The following FAM171A1 variants were observed in gnomAD, a reference collection of about 807,000 sequenced individuals.
FAM171A1 encodes protein FAM171A1.
FAM171A1 carries 23 observed loss-of-function variants against 74.9 expected under a neutral mutation model. That is an observed-to-expected ratio of 0.31 (90% CI 0.22 to 0.44). FAM171A1 has a LOEUF of 0.44. Among genes scored for constraint, FAM171A1 ranks in the 20% least tolerant of loss-of-function variants. The probability of loss-of-function intolerance (pLI) is 1.00; values close to 1 mark genes in which losing one functional copy is unlikely to be tolerated. For missense variants in FAM171A1, 1,162 were observed against 1,159.2 expected, an observed-to-expected ratio of 1.00 and a Z score of -0.03; for synonymous variants, 527 against 505.7, an observed-to-expected ratio of 1.04 and a Z score of -0.57.
intron 1 of FAM171A1, among the ~76,000 whole-genome samples, chr10:15,351,815 G>T (rs1249164356): frequency 1.3e-5 from 2 of 151,942 alleles, no homozygotes; most frequent in African/African-American, 4.8e-5. Flanking sequence ...ACACTTCTAG[G>T]GCCAAGGCAG....
At chr10:15,356,219 CAT>C (rs923046484) in intron 1 of FAM171A1, among the ~76,000 whole-genome samples, 69 of 149,108 alleles carry the variant, frequency 4.6e-4, no homozygotes, top group South Asian at 4.0e-3. Context: ...TACATACATA[CAT>C]ATATATATAT....
At position 15,234,172 on chromosome 10, in the gene FAM171A1, G is replaced by A. The variant is rs1834249905; in HGVS notation, c.755-13112C>T. Among the ~76,000 whole-genome samples the A allele has an allele frequency of 2.0e-5, 3 of 152,026 alleles. No homozygotes were observed. In the South Asian group the frequency reaches 6.2e-4, roughly 31 times the overall value. On this transcript the variant is annotated intron_variant, in intron 5 of 7. Coordinates refer to ENST00000378116, the MANE Select transcript of FAM171A1 (RefSeq NM_001010924.2). ...AAAGGAAAAAAAAAACATACAAAGTGTTGATCTTCTTTTAAAAAATCATGT... is the reference window on the plus strand; with the variant it reads ...AAAGGAAAAAAAAAACATACAAAGTATTGATCTTCTTTTAAAAAATCATGT...
intron 1 of FAM171A1, among the ~76,000 whole-genome samples, chr10:15,310,379 A>G (rs1835345923): frequency 6.6e-6 from 1 of 152,172 alleles, no homozygotes; most frequent in African/African-American, 2.4e-5. Flanking sequence ...GTGACCTAAG[A>G]AGGTTAAACA....
In FAM171A1 at chr10:15,211,711, T is replaced by C. The variant is rs1362208733; in HGVS notation, c.*1204A>G. On this transcript the variant is annotated 3_prime_UTR_variant, in exon 8 of 8. Coordinates refer to ENST00000378116, the MANE Select transcript of FAM171A1 (RefSeq NM_001010924.2). ...TAACCAAGCAGCTCTTTAAGAAGAA[T>C]GCACAGAAGAGTCATTCTGGCACTT... The C allele has an allele frequency of 2.0e-5, 3 of 152,190 alleles. No individual in the cohort carries two copies. The highest frequency in any genetic ancestry group is 2.9e-5 in the Non-Finnish European group (2 of 68,028). The allele number at this position is 152,190 out of a possible 1,614,324, so 9.4% of individuals were successfully genotyped here.
intron 2 of FAM171A1, among the ~76,000 whole-genome samples, chr10:15,279,087 T>G (rs758223032): frequency 6.6e-6 from 1 of 152,160 alleles, no homozygotes; most frequent in Non-Finnish European, 1.5e-5. Context: ...TACAAGGCCC[T>G]GACCACCTCT....
At chr10:15,216,674 T>C (rs1177193367) in intron 6 of FAM171A1, among the ~76,000 whole-genome samples, 6 of 152,038 alleles carry the variant, frequency 3.9e-5, no homozygotes, top group Admixed American at 6.6e-5. Flanking sequence ...GTTCGAGCAA[T>C]CCACTGCCTC....
At chr10:15,311,706 C>T (rs187161077) in intron 1 of FAM171A1, among the ~76,000 whole-genome samples, 2 of 152,206 alleles carry the variant, frequency 1.3e-5, no homozygotes, top group Admixed American at 1.3e-4. Context: ...GGTGATTGCT[C>T]TCAAGATAAA....
intron 1 of FAM171A1, among the ~76,000 whole-genome samples, chr10:15,333,436 G>A (rs1429262893): frequency 6.6e-6 from 1 of 152,156 alleles, no homozygotes; most frequent in African/African-American, 2.4e-5. Context: ...GGAGGCGGAG[G>A]GTGCAGTGAG....
chr10:15,364,710 T>A (rs1315347607), intron 1 of FAM171A1, among the ~76,000 whole-genome samples: 1 of 152,226 alleles, frequency 6.6e-6, no homozygotes, highest in African/African-American at 2.4e-5. Flanking sequence ...GCATTCCTTC[T>A]GGAGGCTCTA....
At chr10:15,258,730 CT>C (rs541221528) in intron 3 of FAM171A1, among the ~76,000 whole-genome samples, 64 of 152,340 alleles carry the variant, frequency 4.2e-4, no homozygotes, top group Admixed American at 3.9e-3. Context: ...CTGTTTGCCC[CT>C]CCTGCCCACA....
intron 5 of FAM171A1, among the ~76,000 whole-genome samples, chr10:15,226,860 T>C (rs1220007195): frequency 6.6e-6 from 1 of 151,856 alleles, no homozygotes; most frequent in Non-Finnish European, 1.5e-5. Context: ...TCAACTCTGC[T>C]CCCCCACCAC....
At position 15,355,975 on chromosome 10, in the gene FAM171A1, G is replaced by T. The variant is rs924882465; in HGVS notation, c.97+14981C>A. On this transcript the variant is annotated intron_variant, in intron 1 of 7. Transcript: ENST00000378116. ...TATCTGGTAGGTGTGTGATAAAGTG[G>T]TTCTACATAATCAGATAGGATATTC... Among the ~76,000 whole-genome samples the T allele has an allele frequency of 3.3e-5, 5 of 151,788 alleles. No homozygotes were observed. The East Asian group carries it at 9.7e-4, about 29-fold the overall frequency.
chr10:15,226,161 A>C (rs181870299), intron 5 of FAM171A1, among the ~76,000 whole-genome samples: 1 of 152,298 alleles, frequency 6.6e-6, no homozygotes, highest in African/African-American at 2.4e-5. Flanking sequence ...CTCACCCCAG[A>C]AACCCAGGCT....
chr10:15,345,996 T>C (rs1037859674), intron 1 of FAM171A1, among the ~76,000 whole-genome samples: 2 of 151,790 alleles, frequency 1.3e-5, no homozygotes, highest in South Asian at 2.1e-4. Context: ...AAGGCATGAG[T>C]TCCCCTTAAG....
At chr10:15,230,186 C>A (rs1235216083) in intron 5 of FAM171A1, among the ~76,000 whole-genome samples, 1 of 152,218 alleles carries the variant, frequency 6.6e-6, no homozygotes, top group Admixed American at 6.5e-5. Context: ...TTCAGTATGG[C>A]AGAAACAGTG....
In FAM171A1 at chr10:15,263,737, G is replaced by A. The variant is rs200583050; in HGVS notation, c.419-8858C>T. Reference sequence around the variant, plus strand: ...ATCCTATCAATCTATCTATCTATCTGTCTGTCTATCTATCTATCTATCTAT... The same window carrying A: ...ATCCTATCAATCTATCTATCTATCTATCTGTCTATCTATCTATCTATCTAT... On this transcript the variant is annotated intron_variant, in intron 3 of 7. Coordinates refer to ENST00000378116, the MANE Select transcript of FAM171A1 (RefSeq NM_001010924.2). Among the ~76,000 whole-genome samples the A allele has an allele frequency of 5.2e-3, 553 of 106,058 alleles. 1 individual carries two copies. Among genetic ancestry groups the A allele is most frequent in the Non-Finnish European group, 7.1e-3 (325 of 45,820 alleles). 69.6% of individuals were successfully genotyped at this position (106,058 alleles called of 152,430 possible).
At chr10:15,333,093 C>G (rs1835660132) in intron 1 of FAM171A1, among the ~76,000 whole-genome samples, 1 of 152,204 alleles carries the variant, frequency 6.6e-6, no homozygotes, top group Non-Finnish European at 1.5e-5. Context: ...TCCACAGCTA[C>G]TCTCCTTACA....
chr10:15,307,082 C>T (rs2131833617), intron 1 of FAM171A1, among the ~76,000 whole-genome samples: 1 of 152,302 alleles, frequency 6.6e-6, no homozygotes, highest in Admixed American at 6.5e-5. Context: ...GACCTTATTT[C>T]CTGCTTCTAT....
rs994411433 is a variant in FAM171A1 at position 15,371,210 on chromosome 10, T to TCCCGCGC, written c.-165_-159dup. 3.9e-4 allele frequency: 60 copies of TCCCGCGC among 153,560 alleles called. 2 individuals carry two copies. In the East Asian group the frequency reaches 7.5e-3, roughly 19 times the overall value. The allele number at this position is 153,560 out of a possible 1,614,324, so 9.5% of individuals were successfully genotyped here. A position where few individuals can be genotyped will look rare whatever the true frequency, so the allele number is the denominator to read the frequency against. ...CGGCCCCGCCGCCCCGGCCGCTCCC[T>TCCCGCGC]CCCGCGCCCCGCGCCGGGTTTCCCC... On this transcript the variant is annotated 5_prime_UTR_variant, in exon 1 of 8. Transcript: ENST00000378116.
Sources: gnomAD v4.1 joint callset for allele counts (sites outside exome capture counted in the v4.1 genomes callset) on GRCh38, gnomAD v4.1.1 for gene constraint, MANE v1.5 for transcripts, NCBI Gene and HGNC (gene_info 2026-07-23, HGNC 2026-07-21) for gene names.